Variants in PRORP observed in about 807,000 individuals in gnomAD.
The protein encoded by PRORP is mitochondrial ribonuclease P catalytic subunit.
Under a neutral mutation model 59.4 loss-of-function variants are expected in PRORP, and 51 were observed. The observed-to-expected ratio is 0.86, with a 90% CI of 0.69 to 1.08. The LOEUF (loss-of-function observed/expected upper bound fraction) is 1.08, where lower values mean the gene tolerates loss of function less well. Among genes scored for constraint, PRORP ranks in the 50% least tolerant of loss-of-function variants. The probability of loss-of-function intolerance (pLI) is 0.00; values close to 1 mark genes in which losing one functional copy is unlikely to be tolerated. For missense variants in PRORP, 646 were observed against 690.3 expected (o/e 0.94, Z 0.72); for synonymous variants, 231 against 245.6 (o/e 0.94, Z 0.55).
intron 5 of PRORP, among the ~76,000 whole-genome samples, chr14:35,190,863 A>G (rs1198534551): frequency 1.3e-5 from 2 of 152,236 alleles, no homozygotes; most frequent in South Asian, 2.1e-4. Context: ...ACTTTTATAT[A>G]GCACTTGAAC....
At chr14:35,246,634 A>G (rs2050492663) in intron 5 of PRORP, among the ~76,000 whole-genome samples, 1 of 152,036 alleles carries the variant, frequency 6.6e-6, no homozygotes, top group African/African-American at 2.4e-5. Context: ...GTCATTGTGG[A>G]TTTGTGATTT....
intron 5 of PRORP, among the ~76,000 whole-genome samples, chr14:35,238,522 G>A (rs2050278927): frequency 6.6e-6 from 1 of 152,098 alleles, no homozygotes; most frequent in Non-Finnish European, 1.5e-5. Flanking sequence ...ATGACATCTT[G>A]AACTAAAGTG....
intron 4 of PRORP, among the ~76,000 whole-genome samples, chr14:35,136,462 CCT>C (rs1221986215): frequency 6.8e-6 from 1 of 146,532 alleles, no homozygotes; most frequent in African/African-American, 2.4e-5. Flanking sequence ...GCAACCTCCG[CCT>C]CTCGGGTTTA....
intron 4 of PRORP, among the ~76,000 whole-genome samples, chr14:35,133,736 GGTACT>G (rs1257150596): frequency 6.6e-6 from 1 of 152,192 alleles, no homozygotes; most frequent in African/African-American, 2.4e-5. Context: ...TGTGGTAAGA[GGTACT>G]GCCTTCATGG....
At chr14:35,153,133 A>G (rs1467831602) in intron 4 of PRORP, among the ~76,000 whole-genome samples, 1 of 152,274 alleles carries the variant, frequency 6.6e-6, no homozygotes, top group African/African-American at 2.4e-5. Flanking sequence ...CTCCGTCTCA[A>G]TCCCGGCACC....
intron 6 of PRORP, 81 bp from the exon 7 acceptor site, chr14:35,270,320 T>C: frequency 7.4e-7 from 1 of 1,359,548 alleles, no homozygotes; most frequent in South Asian, 1.3e-5. Context: ...CCAAGGAAAG[T>C]AAGTAAAAAG....
chr14:35,218,883 T>C, intron 5 of PRORP: 1 of 152,146 alleles, frequency 6.6e-6, no homozygotes, highest in South Asian at 2.1e-4. Flanking sequence ...GTGGACGTCA[T>C]GATGCTCATG....
intron 7 of PRORP, 66 bp downstream of exon 7, chr14:35,270,662 A>G: frequency 7.1e-7 from 1 of 1,407,464 alleles, no homozygotes; most frequent in Non-Finnish European, 9.9e-7. Context: ...GTGGCATAGA[A>G]AAAGAGTGTC....
chr14:35,149,416 T>C (rs2047689426), intron 4 of PRORP, among the ~76,000 whole-genome samples: 1 of 152,148 alleles, frequency 6.6e-6, no homozygotes, highest in Non-Finnish European at 1.5e-5. Context: ...TCTTGCTATG[T>C]TGCCCAGACT....
chr14:35,171,131 G>C (rs1271862512), intron 4 of PRORP, among the ~76,000 whole-genome samples: 1 of 152,058 alleles, frequency 6.6e-6, no homozygotes, highest in Admixed American at 6.5e-5. Flanking sequence ...TTACAAGCAT[G>C]AGCCACTGCA....
At chr14:35,180,369 A>G (rs1354586230) in intron 4 of PRORP, among the ~76,000 whole-genome samples, 1 of 152,192 alleles carries the variant, frequency 6.6e-6, no homozygotes, top group African/African-American at 2.4e-5. Context: ...ATGTGGGTTA[A>G]TTTAGAAGTC....
At chr14:35,185,482 G>A (rs1313954396) in intron 5 of PRORP, among the ~76,000 whole-genome samples, 1 of 152,070 alleles carries the variant, frequency 6.6e-6, no homozygotes, top group Non-Finnish European at 1.5e-5. Context: ...CTAAGACTAA[G>A]GTACAGAATT....
intron 4 of PRORP, among the ~76,000 whole-genome samples, chr14:35,165,953 T>G (rs987326632): frequency 2.6e-5 from 4 of 152,174 alleles, no homozygotes; most frequent in African/African-American, 9.7e-5. Flanking sequence ...GTGCTGGGAT[T>G]ACAGGCATGA....
chr14:35,219,202 A>C (rs1021105178), intron 5 of PRORP: 1 of 152,200 alleles, frequency 6.6e-6, no homozygotes, highest in African/African-American at 2.4e-5. Flanking sequence ...AAGGTTCTCC[A>C]TACAGTCTGC....
chr14:35,122,562 G>C lies in PRORP; in HGVS notation c.-368G>C, dbSNP rs2046951618. 1 of 153,884 alleles carries C rather than the reference G, an allele frequency of 6.5e-6. No homozygotes were observed. The highest frequency in any genetic ancestry group is 1.5e-5 in the Non-Finnish European group (1 of 68,920). The allele number at this position is 153,884 out of a possible 1,614,324, so 9.5% of individuals were successfully genotyped here. On this transcript the variant is annotated 5_prime_UTR_variant, in exon 1 of 8. Transcript: ENST00000534898. Reference sequence around the variant, plus strand: ...CATCGTGGGCACTGTAGTTTCCGCCGCGTTTATGGCCGCGTTAAGTCTGAG... The same window carrying C: ...CATCGTGGGCACTGTAGTTTCCGCCCCGTTTATGGCCGCGTTAAGTCTGAG...
chr14:35,190,469 T>C (rs2048855751), intron 5 of PRORP, among the ~76,000 whole-genome samples: 1 of 152,126 alleles, frequency 6.6e-6, no homozygotes, highest in Admixed American at 6.5e-5. Context: ...TGTTGTAATT[T>C]TGAAGAAACT....
chr14:35,129,768 C>T (rs1386185932), intron 4 of PRORP, among the ~76,000 whole-genome samples: 6 of 151,870 alleles, frequency 4.0e-5, no homozygotes, highest in South Asian at 2.1e-4. Context: ...CGTAAGCCAC[C>T]GTGCCCAGCC....
In PRORP at chr14:35,123,903, T is replaced by C; in HGVS notation, c.658T>C (p.Leu220=). ...AGGTTACAGTCTTCTCATCCGGGGA[T>C]TGATCCATTCAGACAGATGGAGAGA... is the stretch of plus-strand genomic sequence containing the variant. ...PRGYSLLIRG[L]IHSDRWREAL... is the part of the protein sequence containing the mutation. Residue 220 remains leucine (L), a synonymous_variant, in exon 2 of 8, where the codon TTG becomes CTG. Coordinates refer to ENST00000534898, the MANE Select transcript of PRORP (RefSeq NM_014672.4). The C allele has an allele frequency of 6.2e-7, 1 of 1,614,166 alleles. No homozygotes were observed. The highest frequency in any genetic ancestry group is 8.5e-7 in the Non-Finnish European group (1 of 1,180,016).
intron 5 of PRORP, among the ~76,000 whole-genome samples, chr14:35,194,248 C>G (rs185776399): frequency 6.6e-6 from 1 of 152,258 alleles, no homozygotes; most frequent in East Asian, 1.9e-4. Flanking sequence ...ATTTGGCTCT[C>G]TGTTTGTCTA....
Sources: allele counts gnomAD v4.1 joint callset (sites outside exome capture counted in the v4.1 genomes callset), GRCh38; gene constraint gnomAD v4.1.1; transcripts MANE v1.5; gene names NCBI Gene and HGNC (gene_info 2026-07-23, HGNC 2026-07-21).